Variants in CACNA2D3 observed in about 807,000 individuals in gnomAD.
The protein encoded by CACNA2D3 is calcium voltage-gated channel auxiliary subunit alpha2delta 3.
CACNA2D3 carries 60 observed loss-of-function variants against 160.6 expected under a neutral mutation model. The observed-to-expected ratio is 0.37, with a 90% CI of 0.30 to 0.46. The LOEUF (loss-of-function observed/expected upper bound fraction) is 0.46, where lower values mean the gene tolerates loss of function less well. Ranked by LOEUF, CACNA2D3 falls within the 20% of genes least tolerant of loss-of-function variation. CACNA2D3 has a pLI of 1.00. For synonymous variants in CACNA2D3, 558 were observed against 492.9 expected (o/e 1.13, Z -1.75); for missense variants, 1,205 against 1,365.0 (o/e 0.88, Z 1.85).
In CACNA2D3 at chr3:54,562,931, G is replaced by C; in HGVS notation, c.676G>C (p.Gly226Arg). 1.9e-6 allele frequency: 3 copies of C among 1,612,974 alleles called. No individual in the cohort carries two copies. Among genetic ancestry groups the C allele is most frequent in the Non-Finnish European group, 2.5e-6 (3 of 1,179,296 alleles). ...AAAGGGCTTTTTTAGGCAGTATCCG[G>C]GTGAGTATACCTGCATTGACAGTTA... ...SAKGFFRQYP[G>R]IKWEPDENGV... is the part of the protein sequence containing the mutation. Residue 226 changes from glycine to arginine, a missense_variant and splice_region_variant, in exon 6 of 38, where the codon GGG becomes CGG. Physicochemically the swap from Gly to Arg is moderately radical, Grantham distance 125 (BLOSUM62 -2). Coordinates refer to ENST00000474759, the MANE Select transcript of CACNA2D3 (RefSeq NM_018398.3).
At chr3:55,023,873 C>G (rs1490571664) in intron 35 of CACNA2D3, among the ~76,000 whole-genome samples, 2 of 151,072 alleles carry the variant, frequency 1.3e-5, no homozygotes, top group African/African-American at 4.9e-5. Flanking sequence ...TTCAGAGCCT[C>G]AGAGAGTGCC....
intron 13 of CACNA2D3, among the ~76,000 whole-genome samples, chr3:54,792,697 A>G (rs1702785403): frequency 1.3e-5 from 2 of 152,038 alleles, no homozygotes; most frequent in African/African-American, 2.4e-5. Context: ...CCGTTTCCTC[A>G]TGGTTCCAGC....
At chr3:54,289,491 T>C (rs1352490588) in intron 2 of CACNA2D3, among the ~76,000 whole-genome samples, 1 of 151,608 alleles carries the variant, frequency 6.6e-6, no homozygotes, top group Admixed American at 6.6e-5. Flanking sequence ...CCCAAGGTAA[T>C]TTATAGATTC....
chr3:54,188,307 C>T (rs1700918005), intron 2 of CACNA2D3, among the ~76,000 whole-genome samples: 1 of 152,062 alleles, frequency 6.6e-6, no homozygotes, highest in Admixed American at 6.5e-5. Flanking sequence ...CAGGAATTAC[C>T]CTGTAGGGAT....
intron 17 of CACNA2D3, among the ~76,000 whole-genome samples, chr3:54,851,119 A>G (rs946222241): frequency 6.6e-6 from 1 of 152,208 alleles, no homozygotes; most frequent in Non-Finnish European, 1.5e-5. Context: ...TGGTATTAGT[A>G]TATTTTTCTA....
chr3:54,304,323 T>G (rs1421037694), intron 2 of CACNA2D3, among the ~76,000 whole-genome samples: 1 of 152,096 alleles, frequency 6.6e-6, no homozygotes, highest in Non-Finnish European at 1.5e-5. Flanking sequence ...GGTCTCAGTG[T>G]GTTTGTATGA....
chr3:54,409,498 C>T (rs9827785), intron 4 of CACNA2D3, among the ~76,000 whole-genome samples: 50,668 of 151,846 alleles, frequency 0.33, 8,735 homozygotes, highest in East Asian at 0.41. Flanking sequence ...AGTGTTCAAG[C>T]GAAAGGAAGA....
intron 9 of CACNA2D3, among the ~76,000 whole-genome samples, chr3:54,607,440 G>A: frequency 6.6e-6 from 1 of 152,132 alleles, no homozygotes; most frequent in East Asian, 1.9e-4. Context: ...TCCTGCCGAT[G>A]AGGCCGGACT....
At chr3:54,242,055 A>G (rs1315851723) in intron 2 of CACNA2D3, among the ~76,000 whole-genome samples, 3 of 152,156 alleles carry the variant, frequency 2.0e-5, no homozygotes, top group African/African-American at 7.2e-5. Context: ...GTTTTCCTAT[A>G]CATACATACA....
chr3:54,637,631 G>A (rs933848952), intron 10 of CACNA2D3: 10 of 151,972 alleles, frequency 6.6e-5, no homozygotes, highest in East Asian at 3.9e-4. Context: ...AGGTAATGTG[G>A]AGTGGGTAGC....
At chr3:54,687,162 AC>A (rs1391238559) in intron 11 of CACNA2D3, among the ~76,000 whole-genome samples, 1 of 70,858 alleles carries the variant, frequency 1.4e-5, no homozygotes, top group South Asian at 4.5e-4. Flanking sequence ...TTTTTTTGAC[AC>A]TGGGCCTCAC....
chr3:54,301,310 A>G (rs1348357966), intron 2 of CACNA2D3, among the ~76,000 whole-genome samples: 1 of 151,682 alleles, frequency 6.6e-6, no homozygotes, highest in Non-Finnish European at 1.5e-5. Flanking sequence ...CAGAAAAAAA[A>G]AAAAGAGGCC....
At position 54,267,767 on chromosome 3, in the gene CACNA2D3, G is replaced by T. The variant is rs1702547029; in HGVS notation, c.205-52675G>T. Among the ~76,000 whole-genome samples the T allele has an allele frequency of 2.6e-5, 4 of 152,280 alleles. 1 individual carries two copies. The South Asian group carries it at 8.3e-4, about 32-fold the overall frequency. On this transcript the variant is annotated intron_variant, in intron 2 of 37. Coordinates refer to ENST00000474759, the MANE Select transcript of CACNA2D3 (RefSeq NM_018398.3). ...GAAGATGAGGTACCTGTGATGTTTT[G>T]GTGGCTGTGGGACAGGATATTCTAA...
At chr3:54,925,285 T>C in intron 27 of CACNA2D3, 1 of 1,298,906 alleles carries the variant, frequency 7.7e-7, no homozygotes, top group East Asian at 2.3e-5. Context: ...TTTTCCGCCT[T>C]TGAATTTACA....
intron 4 of CACNA2D3, among the ~76,000 whole-genome samples, chr3:54,460,844 G>C (rs1700490117): frequency 2.0e-5 from 3 of 152,046 alleles, no homozygotes; most frequent in Admixed American, 6.5e-5. Context: ...GGGCATCCCT[G>C]TCTTGTGCCA....
intron 4 of CACNA2D3, among the ~76,000 whole-genome samples, chr3:54,489,739 A>G (rs1701077447): frequency 6.6e-6 from 1 of 152,250 alleles, no homozygotes; most frequent in South Asian, 2.1e-4. Flanking sequence ...GAAAGCCTTC[A>G]TAAGTGGCTT....
chr3:54,642,940 A>T (rs1171250267), intron 11 of CACNA2D3, among the ~76,000 whole-genome samples: 3 of 151,932 alleles, frequency 2.0e-5, no homozygotes, highest in Admixed American at 6.6e-5. Flanking sequence ...ATCTCTGGGG[A>T]TGTGGTTCAG....
intron 9 of CACNA2D3, among the ~76,000 whole-genome samples, chr3:54,614,808 G>A (rs551982389): frequency 3.3e-5 from 5 of 152,132 alleles, no homozygotes; most frequent in Middle Eastern, 3.4e-3. Flanking sequence ...GAAGAGAAGC[G>A]GCTCCCACTG....
chr3:54,859,573 A>C (rs1294523409), intron 17 of CACNA2D3, among the ~76,000 whole-genome samples: 1 of 152,142 alleles, frequency 6.6e-6, no homozygotes, highest in Non-Finnish European at 1.5e-5. Flanking sequence ...TGCCTGCCCC[A>C]GTGGCCCCCT....
Sources: allele counts gnomAD v4.1 joint callset (sites outside exome capture counted in the v4.1 genomes callset), GRCh38; gene constraint gnomAD v4.1.1; transcripts MANE v1.5; gene names NCBI Gene and HGNC (gene_info 2026-07-23, HGNC 2026-07-21).